Variants in SGIP1 observed in about 807,000 individuals in gnomAD.
SGIP1 encodes SH3-containing GRB2-like protein 3-interacting protein 1.
Under a neutral mutation model 107.5 loss-of-function variants are expected in SGIP1, and 38 were observed. The ratio of observed to expected loss-of-function variants is 0.35; its 90% CI spans 0.27 to 0.46. SGIP1 has a LOEUF of 0.46. Among genes scored for constraint, SGIP1 ranks in the 20% least tolerant of loss-of-function variants. SGIP1 has a pLI of 1.00. For missense variants in SGIP1, 929 were observed against 1,019.5 expected, an observed-to-expected ratio of 0.91 and a Z score of 1.21; for synonymous variants, 365 against 366.1, an observed-to-expected ratio of 1.00 and a Z score of 0.03.
chr1:66,567,128 T>A (rs2059763604), intron 1 of SGIP1, among the ~76,000 whole-genome samples: 1 of 152,120 alleles, frequency 6.6e-6, no homozygotes, highest in African/African-American at 2.4e-5. Flanking sequence ...GCATTTCAGT[T>A]GGTTCCATGT....
intron 2 of SGIP1, among the ~76,000 whole-genome samples, chr1:66,630,808 A>AAAGAAAGAAAGAAAGAAAGG (rs2074127676): frequency 1.8e-4 from 1 of 5,474 alleles, no homozygotes; most frequent in Non-Finnish European, 2.9e-4. Context: ...CTCCGGAAAG[A>AAAGAAAGAAAGAAAGAAAGG]AAGAAAGAAA....
At chr1:66,557,427 C>T (rs2058343981) in intron 1 of SGIP1, among the ~76,000 whole-genome samples, 1 of 152,028 alleles carries the variant, frequency 6.6e-6, no homozygotes, top group Non-Finnish European at 1.5e-5. Flanking sequence ...TATTGCTGGG[C>T]TTTGGAAGGT....
chr1:66,671,623 C>T (rs1015874802), intron 10 of SGIP1, among the ~76,000 whole-genome samples: 2 of 152,160 alleles, frequency 1.3e-5, no homozygotes, highest in Admixed American at 6.6e-5. Context: ...AATTGGAAAG[C>T]AGAACCAGTC....
intron 1 of SGIP1, among the ~76,000 whole-genome samples, chr1:66,615,037 T>G (rs916308760): frequency 6.6e-6 from 1 of 152,062 alleles, no homozygotes; most frequent in Non-Finnish European, 1.5e-5. Context: ...GTCAGGCTGG[T>G]CTCGAACTCC....
At chr1:66,577,369 A>G (rs911830822) in intron 1 of SGIP1, among the ~76,000 whole-genome samples, 1 of 152,156 alleles carries the variant, frequency 6.6e-6, no homozygotes, top group African/African-American at 2.4e-5. Context: ...TGTTGTTTAT[A>G]GACTGACCCT....
chr1:66,702,773 G>A (rs1572029531), intron 18 of SGIP1, among the ~76,000 whole-genome samples: 1 of 152,228 alleles, frequency 6.6e-6, no homozygotes. Flanking sequence ...TTCTGAATAT[G>A]TCTGTCATAC....
chr1:66,582,118 G>A (rs2061905520), intron 1 of SGIP1, among the ~76,000 whole-genome samples: 1 of 152,038 alleles, frequency 6.6e-6, no homozygotes, highest in South Asian at 2.1e-4. Flanking sequence ...TTTCCATTCT[G>A]CCATGCTTTT....
chr1:66,732,134 G>A (rs996759293), intron 20 of SGIP1, among the ~76,000 whole-genome samples: 3 of 152,072 alleles, frequency 2.0e-5, no homozygotes, highest in Admixed American at 2.0e-4. Flanking sequence ...ATAATTGAGG[G>A]TTTCCCAGTT....
chr1:66,594,060 A>T (rs764006226), intron 1 of SGIP1, among the ~76,000 whole-genome samples: 12 of 152,272 alleles, frequency 7.9e-5, no homozygotes, highest in Non-Finnish European at 1.3e-4. Context: ...TTTCTTCACA[A>T]CTTAAAGTTA....
At chr1:66,597,079 G>A (rs2064855946) in intron 1 of SGIP1, among the ~76,000 whole-genome samples, 1 of 152,114 alleles carries the variant, frequency 6.6e-6, no homozygotes, top group Non-Finnish European at 1.5e-5. Context: ...ACATGTGCAG[G>A]TTTATTTAGT....
chr1:66,667,283 T>G (rs1422532147), intron 8 of SGIP1, among the ~76,000 whole-genome samples: 1 of 152,212 alleles, frequency 6.6e-6, no homozygotes, highest in East Asian at 1.9e-4. Flanking sequence ...TACACATAAC[T>G]AAAACTTACA....
intron 18 of SGIP1, among the ~76,000 whole-genome samples, chr1:66,704,069 C>T (rs1403001805): frequency 2.0e-5 from 3 of 151,984 alleles, no homozygotes; most frequent in Non-Finnish European, 4.4e-5. Context: ...AAGTCAAACA[C>T]TTAGTATAGT....
At chr1:66,644,834 A>T (rs1057064633) in intron 7 of SGIP1, among the ~76,000 whole-genome samples, 1 of 152,192 alleles carries the variant, frequency 6.6e-6, no homozygotes, top group East Asian at 1.9e-4. Flanking sequence ...ATTTAAGGTG[A>T]TTTTTAATCA....
intron 1 of SGIP1, among the ~76,000 whole-genome samples, chr1:66,609,057 G>C (rs566109729): frequency 1.4e-5 from 1 of 71,786 alleles, no homozygotes; most frequent in Non-Finnish European, 2.9e-5. Flanking sequence ...TTTGACACTT[G>C]AGCCTTTGCT....
chr1:66,578,879 C>G (rs149639990), intron 1 of SGIP1, among the ~76,000 whole-genome samples: 1 of 152,142 alleles, frequency 6.6e-6, no homozygotes, highest in Non-Finnish European at 1.5e-5. Context: ...CCATGTTGGT[C>G]AGGCTGGTTT....
chr1:66,613,422 T>C (rs140360690), intron 1 of SGIP1, among the ~76,000 whole-genome samples: 192 of 152,292 alleles, frequency 1.3e-3, no homozygotes, highest in African/African-American at 4.0e-3. Flanking sequence ...CTCTGCTTCT[T>C]GGGCTCAAGG....
chr1:66,650,430 C>T (rs2078518615), intron 7 of SGIP1, among the ~76,000 whole-genome samples: 5 of 152,094 alleles, frequency 3.3e-5, no homozygotes, highest in African/African-American at 1.2e-4. Flanking sequence ...AGAGCTAATA[C>T]CAGAAATACT....
intron 12 of SGIP1, 31 bp downstream of exon 12, chr1:66,673,397 T>A: frequency 6.5e-7 from 1 of 1,544,124 alleles, no homozygotes; most frequent in South Asian, 1.2e-5. Context: ...TATTATAGAT[T>A]TGTTTTTTCT....
chr1:66,611,408 G>T (rs925498515), intron 1 of SGIP1, among the ~76,000 whole-genome samples: 6 of 152,240 alleles, frequency 3.9e-5, no homozygotes, highest in African/African-American at 1.2e-4. Flanking sequence ...GACTTCCAAA[G>T]AGCCAAGCTT....
Sources: gnomAD v4.1 joint callset for allele counts (sites outside exome capture counted in the v4.1 genomes callset) on GRCh38, gnomAD v4.1.1 for gene constraint, MANE v1.5 for transcripts, NCBI Gene and HGNC (gene_info 2026-07-23, HGNC 2026-07-21) for gene names.